SPICE1: variants seen among roughly 807,000 people sequenced by gnomAD.
SPICE1 encodes the protein spindle and centriole-associated protein 1.
In SPICE1, 75 loss-of-function variants were observed where a neutral mutation model predicts 102.7. That is an observed-to-expected ratio of 0.73 (90% CI 0.61 to 0.88). The LOEUF is 0.88. SPICE1 is among the 40% of genes least tolerant of loss of function. SPICE1 has a pLI of 0.00. For missense variants in SPICE1, 979 were observed against 1,020.1 expected (o/e 0.96, Z 0.55); for synonymous variants, 308 against 350.3 (o/e 0.88, Z 1.35).
chr3:113,472,245 T>C (rs989167216), intron 7 of SPICE1, among the ~76,000 whole-genome samples: 12 of 152,230 alleles, frequency 7.9e-5, no homozygotes, highest in Admixed American at 1.3e-4. Flanking sequence ...GCACCCGCCA[T>C]TGCCCAGGCT....
At chr3:113,503,550 G>A (rs563710635) in intron 2 of SPICE1, among the ~76,000 whole-genome samples, 1 of 152,166 alleles carries the variant, frequency 6.6e-6, no homozygotes, top group East Asian at 1.9e-4. Flanking sequence ...TATTCAAAAT[G>A]AGTAAGTTTA....
intron 7 of SPICE1, among the ~76,000 whole-genome samples, chr3:113,477,582 T>G (rs1481737902): frequency 2.6e-5 from 4 of 152,016 alleles, no homozygotes; most frequent in African/African-American, 7.3e-5. Flanking sequence ...GTGGCACATA[T>G]ACACCATGGA....
At chr3:113,451,203 C>T (rs1417866465) in intron 14 of SPICE1, among the ~76,000 whole-genome samples, 1 of 152,146 alleles carries the variant, frequency 6.6e-6, no homozygotes, top group African/African-American at 2.4e-5. Context: ...GTCAGCCTCC[C>T]CAAGCCACTT....
chr3:113,477,969 A>T (rs542617991), intron 7 of SPICE1, among the ~76,000 whole-genome samples: 1 of 149,216 alleles, frequency 6.7e-6, no homozygotes, highest in East Asian at 1.9e-4. Flanking sequence ...AATCTGCCGA[A>T]AAAAAAGCAT....
chr3:113,494,750 T>A (rs1936844750), intron 4 of SPICE1, among the ~76,000 whole-genome samples: 1 of 152,078 alleles, frequency 6.6e-6, no homozygotes, highest in South Asian at 2.1e-4. Context: ...AAAATAAAAG[T>A]TTTAATTAAC....
At chr3:113,462,867 T>G (rs1935965576) in intron 11 of SPICE1, among the ~76,000 whole-genome samples, 2 of 152,122 alleles carry the variant, frequency 1.3e-5, no homozygotes, top group Admixed American at 1.3e-4. Flanking sequence ...GTTTCCCATC[T>G]CACTCAGCAT....
At chr3:113,503,760 C>T (rs1937054345) in intron 2 of SPICE1, among the ~76,000 whole-genome samples, 1 of 151,912 alleles carries the variant, frequency 6.6e-6, no homozygotes, top group Non-Finnish European at 1.5e-5. Context: ...TGGCAAAACT[C>T]CATCTCTACT....
chr3:113,468,155 AC>A lies in SPICE1; in HGVS notation c.1138del (p.Val380PhefsTer15). On this transcript the variant is annotated frameshift_variant, in exon 10 of 18. Transcript: ENST00000295872. LOFTEE classifies it high-confidence loss of function. ...TGTCCTTACCTCTTTAAGGTACCGA[AC>A]CAGGCGACAGAGGGAGCTCACCAGC... ...LSLVSSLCRL[V>X]RYLKESEIQL... 1 of 1,614,198 alleles carries A rather than the reference AC, an allele frequency of 6.2e-7. No homozygotes were observed. The highest frequency in any genetic ancestry group is 2.2e-5 in the East Asian group (1 of 44,882).
intron 7 of SPICE1, among the ~76,000 whole-genome samples, chr3:113,481,187 G>A (rs1936491462): frequency 6.6e-6 from 1 of 152,030 alleles, no homozygotes; most frequent in Non-Finnish European, 1.5e-5. Flanking sequence ...ATTCAACCAA[G>A]ATTCAATAAA....
intron 11 of SPICE1, 64 bp from the exon 12 acceptor site, chr3:113,460,828 A>G: frequency 1.4e-6 from 2 of 1,454,220 alleles, no homozygotes; most frequent in Non-Finnish European, 1.9e-6. Flanking sequence ...CCACCTAGAA[A>G]GCAAACCACA....
intron 1 of SPICE1, among the ~76,000 whole-genome samples, chr3:113,512,327 A>G (rs1052164110): frequency 6.6e-6 from 1 of 150,836 alleles, no homozygotes; most frequent in Non-Finnish European, 1.5e-5. Context: ...TAGCACCTGT[A>G]TTTACTAATC....
chr3:113,500,220 C>T (rs983370774), intron 3 of SPICE1, among the ~76,000 whole-genome samples: 1 of 152,232 alleles, frequency 6.6e-6, no homozygotes, highest in Non-Finnish European at 1.5e-5. Context: ...CTAAGGTTCA[C>T]TAAGGTGGCT....
rs1936133048 is a variant in SPICE1, at chr3:113,469,115, T to A, written c.735A>T (p.Ser245=). The change falls in exon 8 of 18, where the codon TCA becomes TCT. Residue 245 remains serine (S), a synonymous_variant. Transcript: ENST00000295872. ...TPPGTPSSAL[S]SGEQRAALNA... ...GAAACAAACCTCTTTGCTCCCCTGA[T>A]GAAAGAGCAGATGATGGCGTTCCTG... The A allele has an allele frequency of 6.2e-7, 1 of 1,613,120 alleles. No individual in the cohort carries two copies. The highest frequency in any genetic ancestry group is 8.5e-7 in the Non-Finnish European group (1 of 1,179,728).
At chr3:113,463,285 T>G (rs1426759845) in intron 11 of SPICE1, among the ~76,000 whole-genome samples, 2 of 152,264 alleles carry the variant, frequency 1.3e-5, no homozygotes, top group South Asian at 2.1e-4. Flanking sequence ...TTATTTAGAA[T>G]GTAAGCTCCA....
At chr3:113,476,985 G>C (rs1936365797) in intron 7 of SPICE1, among the ~76,000 whole-genome samples, 1 of 152,164 alleles carries the variant, frequency 6.6e-6, no homozygotes, top group Non-Finnish European at 1.5e-5. Context: ...ACTACCATCA[G>C]AGTGAACAGG....
At chr3:113,474,761 C>A (rs527421849) in intron 7 of SPICE1, among the ~76,000 whole-genome samples, 2 of 151,964 alleles carry the variant, frequency 1.3e-5, no homozygotes, top group African/African-American at 4.8e-5. Flanking sequence ...ACACAACATA[C>A]CAGAATCTCT....
rs1343024957 is a variant in SPICE1, at chr3:113,443,446, C to T, written c.*1861G>A. 1 of 152,208 alleles carries T rather than the reference C, an allele frequency of 6.6e-6. No homozygotes were observed. The highest frequency in any genetic ancestry group is 2.4e-5 in the African/African-American group (1 of 41,452). The allele number at this position is 152,208 out of a possible 1,614,324, so 9.4% of individuals were successfully genotyped here. A position where few individuals can be genotyped will look rare whatever the true frequency, so the allele number is the denominator to read the frequency against. On this transcript the variant is annotated 3_prime_UTR_variant, in exon 18 of 18. Coordinates refer to ENST00000295872, the MANE Select transcript of SPICE1 (RefSeq NM_144718.4). ...CACTCTGTCATTAGACAACTTTCTTCACCTCTAGGGCTCAGCATCCTCATC... is the reference window on the plus strand; with the variant it reads ...CACTCTGTCATTAGACAACTTTCTTTACCTCTAGGGCTCAGCATCCTCATC...
At chr3:113,495,658 AATTAT>A (rs1227471327) in intron 4 of SPICE1, among the ~76,000 whole-genome samples, 1 of 152,176 alleles carries the variant, frequency 6.6e-6, no homozygotes, top group African/African-American at 2.4e-5. Context: ...CTATAACTTA[AATTAT>A]ATTATCCCAC....
At position 113,450,317 on chromosome 3, in the gene SPICE1, T is replaced by A. The variant is rs371892538; in HGVS notation, c.2323+19A>T. On this transcript the variant is annotated intron_variant, in intron 15 of 17. Transcript: ENST00000295872. Reference sequence around the variant, plus strand: ...AACCTTCATATTTCTAGTTTTTAAATCATGAATTTGTGACCAACCAGTCCA... The same window carrying A: ...AACCTTCATATTTCTAGTTTTTAAAACATGAATTTGTGACCAACCAGTCCA... 8.6e-5 allele frequency: 138 copies of A among 1,613,232 alleles called. No homozygotes were observed. The highest frequency in any genetic ancestry group is 1.1e-4 in the Non-Finnish European group (125 of 1,179,402).
Sources: allele counts gnomAD v4.1 joint callset (sites outside exome capture counted in the v4.1 genomes callset), GRCh38; gene constraint gnomAD v4.1.1; transcripts MANE v1.5; gene names NCBI Gene and HGNC (gene_info 2026-07-23, HGNC 2026-07-21).